Variants in EBF1 observed in about 807,000 individuals in gnomAD.
EBF1 encodes EBF transcription factor 1.
Under a neutral mutation model 68.4 loss-of-function variants are expected in EBF1, and 10 were observed. The observed-to-expected ratio is 0.15, with a 90% CI of 0.09 to 0.25. EBF1 has a LOEUF of 0.25. Ranked by LOEUF, EBF1 falls within the 10% of genes least tolerant of loss-of-function variation. The probability of loss-of-function intolerance (pLI) is 1.00; values close to 1 mark genes in which losing one functional copy is unlikely to be tolerated. For synonymous variants in EBF1, 298 were observed against 299.8 expected (o/e 0.99, Z 0.06); for missense variants, 509 against 794.4 (o/e 0.64, Z 4.32).
chr5:159,059,022 T>C (rs967230140), intron 6 of EBF1, among the ~76,000 whole-genome samples: 1 of 152,200 alleles, frequency 6.6e-6, no homozygotes, highest in Non-Finnish European at 1.5e-5. Flanking sequence ...GTAGCCACCA[T>C]TTCAATCAGG....
chr5:158,776,826 G>C (rs1280715629), intron 10 of EBF1, among the ~76,000 whole-genome samples: 1 of 152,128 alleles, frequency 6.6e-6, no homozygotes, highest in South Asian at 2.1e-4. Context: ...CTTTATACTT[G>C]ATGTCATTCC....
At chr5:158,980,545 G>A (rs948400060) in intron 6 of EBF1, among the ~76,000 whole-genome samples, 2 of 152,146 alleles carry the variant, frequency 1.3e-5, no homozygotes, top group African/African-American at 4.8e-5. Flanking sequence ...AAGAAGTCGA[G>A]AGAACATGTG....
intron 6 of EBF1, among the ~76,000 whole-genome samples, chr5:158,875,029 G>A (rs1264487499): frequency 7.3e-6 from 1 of 137,592 alleles, no homozygotes; most frequent in African/African-American, 2.8e-5. Flanking sequence ...ATGGAGAGAT[G>A]AACACACACA....
At chr5:158,868,133 A>ATT (rs375884731) in intron 6 of EBF1, among the ~76,000 whole-genome samples, 1 of 149,262 alleles carries the variant, frequency 6.7e-6, no homozygotes, top group Non-Finnish European at 1.5e-5. Flanking sequence ...GCTCCTATTC[A>ATT]TTTTTTTTTT....
intron 5 of EBF1, among the ~76,000 whole-genome samples, chr5:159,079,602 C>CTTTTTTTT (rs58461083): frequency 4.5e-4 from 51 of 113,640 alleles, no homozygotes; most frequent in Non-Finnish European, 7.0e-4. Flanking sequence ...CTCCTTTTAT[C>CTTTTTTTT]TTTTTTTTTT....
chr5:158,764,608 A>T (rs1772232166), intron 10 of EBF1, among the ~76,000 whole-genome samples: 1 of 152,204 alleles, frequency 6.6e-6, no homozygotes, highest in Non-Finnish European at 1.5e-5. Flanking sequence ...ACAAGGAAGC[A>T]AAGAAATAAT....
At chr5:159,066,553 CT>C (rs939657830) in intron 6 of EBF1, among the ~76,000 whole-genome samples, 2 of 152,052 alleles carry the variant, frequency 1.3e-5, no homozygotes, top group Admixed American at 6.6e-5. Flanking sequence ...GTGACACCCC[CT>C]GCCCCACCCA....
chr5:158,887,798 T>A (rs2128102809), intron 6 of EBF1, among the ~76,000 whole-genome samples: 1 of 152,258 alleles, frequency 6.6e-6, no homozygotes, highest in Non-Finnish European at 1.5e-5. Context: ...TTCACTTCAG[T>A]GGGAGACTGG....
At chr5:159,039,148 G>A (rs367754087) in intron 6 of EBF1, among the ~76,000 whole-genome samples, 9 of 152,192 alleles carry the variant, frequency 5.9e-5, no homozygotes, top group South Asian at 2.1e-4. Flanking sequence ...ATGCCTGCAC[G>A]TGCTGGCTCA....
intron 4 of EBF1, among the ~76,000 whole-genome samples, chr5:159,093,630 T>C (rs554624272): frequency 1.4e-4 from 22 of 152,300 alleles, no homozygotes; most frequent in South Asian, 1.0e-3. Flanking sequence ...ATATTTGATG[T>C]ATTGCTTTAA....
chr5:158,882,105 TA>T (rs1457455628), intron 6 of EBF1, among the ~76,000 whole-genome samples: 1 of 152,242 alleles, frequency 6.6e-6, no homozygotes, highest in Non-Finnish European at 1.5e-5. Flanking sequence ...CACACATTAC[TA>T]TTTCACAGTT....
intron 6 of EBF1, among the ~76,000 whole-genome samples, chr5:159,056,064 G>A (rs951669674): frequency 1.3e-5 from 2 of 152,178 alleles, no homozygotes; most frequent in Admixed American, 6.5e-5. Context: ...AATAGGTTTA[G>A]CATGATTATC....
intron 6 of EBF1, among the ~76,000 whole-genome samples, chr5:158,856,201 C>T (rs570441751): frequency 1.3e-5 from 2 of 152,242 alleles, no homozygotes; most frequent in Admixed American, 1.3e-4. Flanking sequence ...GACACAATCC[C>T]GCACCCCAAT....
intron 9 of EBF1, among the ~76,000 whole-genome samples, chr5:158,781,561 T>A (rs1328221878): frequency 2.6e-5 from 4 of 152,160 alleles, no homozygotes; most frequent in Non-Finnish European, 5.9e-5. Flanking sequence ...CAAGCTAAAT[T>A]TATCATCTTA....
chr5:158,766,865 T>G (rs79173044), intron 10 of EBF1, among the ~76,000 whole-genome samples: 1,698 of 152,312 alleles, frequency 0.011, 10 homozygotes, highest in Non-Finnish European at 0.019. Context: ...GAGTATTTTT[T>G]AGTACCTTCT....
At chr5:158,844,944 G>C (rs1405449093) in intron 6 of EBF1, among the ~76,000 whole-genome samples, 1 of 152,144 alleles carries the variant, frequency 6.6e-6, no homozygotes, top group East Asian at 1.9e-4. Context: ...TATCTAGTTT[G>C]AGTAGCTTTC....
rs186473559 is a variant in EBF1, at chr5:158,944,480, T to G, written c.555-104370A>C. Reference sequence around the variant, plus strand: ...ATCCAGTCTATCATTGATGGGCATTTGGATTGGTTCCAAATCTTTGCTATT... The same window carrying G: ...ATCCAGTCTATCATTGATGGGCATTGGGATTGGTTCCAAATCTTTGCTATT... On this transcript the variant is annotated intron_variant, in intron 6 of 15. Coordinates refer to ENST00000313708, the MANE Select transcript of EBF1 (RefSeq NM_024007.5). 4.5e-3 allele frequency among the ~76,000 whole-genome samples: 689 copies of G among 152,368 alleles called. 4 individuals are homozygous for G. Among genetic ancestry groups the G allele is most frequent in the African/African-American group, 0.015 (635 of 41,588 alleles).
At chr5:159,005,418 C>T (rs1343835093) in intron 6 of EBF1, among the ~76,000 whole-genome samples, 3 of 152,156 alleles carry the variant, frequency 2.0e-5, no homozygotes, top group Admixed American at 6.5e-5. Flanking sequence ...TGATAATGTA[C>T]ATAGAATGAA....
chr5:158,746,896 C>A (rs774513426), intron 10 of EBF1, among the ~76,000 whole-genome samples: 2 of 152,084 alleles, frequency 1.3e-5, no homozygotes, highest in Non-Finnish European at 2.9e-5. Flanking sequence ...TATATTGGGA[C>A]AATAGGTATT....
Sources: gnomAD v4.1 joint callset for allele counts (sites outside exome capture counted in the v4.1 genomes callset) on GRCh38, gnomAD v4.1.1 for gene constraint, MANE v1.5 for transcripts, NCBI Gene and HGNC (gene_info 2026-07-23, HGNC 2026-07-21) for gene names.